Variants in XKR9 observed in about 807,000 individuals in gnomAD.
The protein encoded by XKR9 is XK-related protein 9.
XKR9 carries 32 observed loss-of-function variants against 32.0 expected under a neutral mutation model. That is an observed-to-expected ratio of 1.00 (90% CI 0.76 to 1.34). The LOEUF is 1.34. XKR9 is among the 40% of genes most tolerant of loss of function. XKR9 has a pLI of 0.00. For missense variants in XKR9, 546 were observed against 429.7 expected (o/e 1.27, Z -2.39); for synonymous variants, 168 against 143.4 (o/e 1.17, Z -1.22).
At chr8:70,855,224 C>A in the XKR9 span, among the ~76,000 whole-genome samples, 1 of 151,540 alleles carries the variant, frequency 6.6e-6, no homozygotes, top group Non-Finnish European at 1.5e-5. Flanking sequence ...AAGTTAAGAA[C>A]CTCAAAAAAA....
chr8:70,809,445 A>T, the XKR9 span, among the ~76,000 whole-genome samples: 1 of 152,356 alleles, frequency 6.6e-6, no homozygotes, highest in Middle Eastern at 3.4e-3. Context: ...CTGGACGGAG[A>T]ATGACTTTGA....
chr8:71,038,649 T>C, the XKR9 span, among the ~76,000 whole-genome samples: 1 of 150,526 alleles, frequency 6.6e-6, no homozygotes, highest in Non-Finnish European at 1.5e-5. Context: ...TATATAGTTG[T>C]CACTTGGTTA....
At chr8:70,884,732 T>A in the XKR9 span, among the ~76,000 whole-genome samples, 2 of 152,314 alleles carry the variant, frequency 1.3e-5, no homozygotes, top group East Asian at 3.9e-4. Flanking sequence ...TCTATCTTGT[T>A]CCATTCGTGT....
At chr8:71,022,876 CTGTTGAAGCTCT>C in the XKR9 span, among the ~76,000 whole-genome samples, 1 of 151,902 alleles carries the variant, frequency 6.6e-6, no homozygotes, top group South Asian at 2.1e-4. Context: ...AGCTAGTCTA[CTGTTGAAGCTCT>C]TGATTATATT....
chr8:70,752,456 A>G (rs141637349), intron 2 of XKR9, among the ~76,000 whole-genome samples: 62 of 152,272 alleles, frequency 4.1e-4, no homozygotes, highest in African/African-American at 1.4e-3. Context: ...GGAAGTTGGC[A>G]TGTGCAGAGA....
In XKR9 at chr8:70,681,188, G is replaced by C; in HGVS notation, c.130G>C (p.Ala44Pro). The change falls in exon 3 of 5, where the codon GCG (alanine) becomes CCG (proline). Residue 44 changes from alanine to proline, a missense_variant. By Grantham distance (27) the Ala-to-Pro change is conservative. Transcript: ENST00000408926. ...HEGQYVFSAL[A>P]LSFMLFGTLV... ...AGGACAGTATGTTTTTAGTGCTTTA[G>C]CGTTAAGCTTTATGCTTTTTGGAAC... 2.5e-6 allele frequency: 4 copies of C among 1,613,538 alleles called. No homozygotes were observed. The highest frequency in any genetic ancestry group is 3.4e-6 in the Non-Finnish European group (4 of 1,179,628).
chr8:70,754,157 C>A (rs1807183428), intron 2 of XKR9, among the ~76,000 whole-genome samples: 1 of 148,078 alleles, frequency 6.8e-6, no homozygotes, highest in Non-Finnish European at 1.5e-5. Flanking sequence ...AGCAAACTCC[C>A]ATTCACAATT....
At chr8:70,846,096 G>A in the XKR9 span, among the ~76,000 whole-genome samples, 2 of 152,268 alleles carry the variant, frequency 1.3e-5, no homozygotes, top group South Asian at 4.1e-4. Context: ...CAGGTGAACA[G>A]TGGATTTCTG....
the XKR9 span, among the ~76,000 whole-genome samples, chr8:70,904,334 CTCT>C: frequency 6.6e-6 from 1 of 152,108 alleles, no homozygotes; most frequent in Non-Finnish European, 1.5e-5. Flanking sequence ...GGATAGTGAG[CTCT>C]TCTTGTTGAA....
downstream of XKR9, among the ~76,000 whole-genome samples, chr8:70,737,462 C>T (rs1320124016): frequency 1.4e-5 from 2 of 145,172 alleles, no homozygotes; most frequent in African/African-American, 5.1e-5. Flanking sequence ...CCCTTTATTT[C>T]CTTCTCCTGC....
At chr8:70,881,788 T>C in the XKR9 span, among the ~76,000 whole-genome samples, 1 of 152,202 alleles carries the variant, frequency 6.6e-6, no homozygotes, top group Non-Finnish European at 1.5e-5. Flanking sequence ...GGATTATAAA[T>C]CATGCTACTA....
the XKR9 span, among the ~76,000 whole-genome samples, chr8:70,868,246 G>T: frequency 2.0e-5 from 3 of 152,114 alleles, no homozygotes; most frequent in Non-Finnish European, 4.4e-5. Context: ...GTTCCACTAG[G>T]TGGTTCCCCA....
chr8:70,835,918 CTTCTA>C, the XKR9 span, among the ~76,000 whole-genome samples: 2 of 151,954 alleles, frequency 1.3e-5, no homozygotes, highest in Non-Finnish European at 2.9e-5. Context: ...TCATTATTTA[CTTCTA>C]TTCATTCATC....
Position 70,776,947 on chromosome 8 carries a change from C to CTATATATATATATA in XKR9, n.353-12388_353-12375dup, listed in dbSNP as rs1554556847. 1.3e-3 allele frequency among the ~76,000 whole-genome samples: 73 copies of CTATATATATATATA among 54,208 alleles called. 2 individuals are homozygous for CTATATATATATATA. Among genetic ancestry groups the CTATATATATATATA allele is most frequent in the East Asian group, 4.1e-3 (10 of 2,452 alleles). The allele number at this position is 54,208 out of a possible 152,430, so 35.6% of individuals were successfully genotyped here. A position where few individuals can be genotyped will look rare whatever the true frequency, so the allele number is the denominator to read the frequency against. On this transcript the variant is annotated intron_variant and non_coding_transcript_variant, in intron 2 of 3. Transcript: ENST00000520273. ...TTTCTCTCTCTCTCTCTCTCTCTCT[C>CTATATATATATATA]TATATATATATATATATGTATGTAT...
chr8:71,056,298 A>C, the XKR9 span, among the ~76,000 whole-genome samples: 1 of 152,044 alleles, frequency 6.6e-6, no homozygotes, highest in Non-Finnish European at 1.5e-5. Flanking sequence ...ATGATAATAA[A>C]GTCATTCACT....
At chr8:70,762,527 G>A (rs1337246310) in intron 2 of XKR9, among the ~76,000 whole-genome samples, 3 of 152,152 alleles carry the variant, frequency 2.0e-5, no homozygotes, top group South Asian at 2.1e-4. Flanking sequence ...AGAATCTAAC[G>A]CCAGATGATC....
At chr8:70,961,782 C>A in the XKR9 span, among the ~76,000 whole-genome samples, 4 of 151,928 alleles carry the variant, frequency 2.6e-5, no homozygotes, top group Admixed American at 6.6e-5. Flanking sequence ...CACTGAAGCA[C>A]TACAGGATTT....
the XKR9 span, among the ~76,000 whole-genome samples, chr8:70,984,699 A>T: frequency 6.6e-6 from 1 of 152,226 alleles, no homozygotes; most frequent in Non-Finnish European, 1.5e-5. Context: ...TGACAGAATC[A>T]CTGGTATAGC....
chr8:70,695,984 TAAGAAG>T (rs1805259572), intron 3 of XKR9, among the ~76,000 whole-genome samples: 3 of 152,122 alleles, frequency 2.0e-5, no homozygotes, highest in Admixed American at 2.0e-4. Context: ...TGTCTTCTTT[TAAGAAG>T]TGTCTGTTCA....
Sources: allele counts gnomAD v4.1 joint callset (sites outside exome capture counted in the v4.1 genomes callset), GRCh38; gene constraint gnomAD v4.1.1; transcripts MANE v1.5; gene names NCBI Gene and HGNC (gene_info 2026-07-23, HGNC 2026-07-21).